HPS5: variants seen among roughly 807,000 people sequenced by gnomAD.
HPS5 encodes HPS5 biogenesis of lysosomal organelles complex 2 subunit 2, also known as BLOC-2 complex member HPS5.
Under a neutral mutation model 128.0 loss-of-function variants are expected in HPS5, and 83 were observed. The ratio of observed to expected loss-of-function variants is 0.65; its 90% CI spans 0.54 to 0.78. HPS5 has a LOEUF of 0.78. Among genes scored for constraint, HPS5 ranks in the 30% least tolerant of loss-of-function variants. The pLI is 0.00. For synonymous variants in HPS5, 475 were observed against 470.2 expected (o/e 1.01, Z -0.13); for missense variants, 1,281 against 1,326.2 (o/e 0.97, Z 0.53).
chr11:18,307,660 C>T (rs1251642666), intron 6 of HPS5, among the ~76,000 whole-genome samples: 1 of 151,424 alleles, frequency 6.6e-6, no homozygotes, highest in Admixed American at 6.6e-5. Flanking sequence ...TTAGTTAATC[C>T]TTAACACTAA....
intron 8 of HPS5, among the ~76,000 whole-genome samples, chr11:18,302,497 A>G (rs1861814081): frequency 1.3e-5 from 2 of 151,938 alleles, no homozygotes; most frequent in South Asian, 4.2e-4. Context: ...CACTGTCACA[A>G]CTCTTACTTC....
At chr11:18,314,214 T>A (rs1863339722) in intron 2 of HPS5, among the ~76,000 whole-genome samples, 1 of 151,858 alleles carries the variant, frequency 6.6e-6, no homozygotes, top group South Asian at 2.1e-4. Context: ...GCACTCCAGC[T>A]TGGGCAACAT....
intron 5 of HPS5, 110 bp from the exon 6 acceptor site, chr11:18,309,189 T>G (rs1862692520): frequency 1.8e-6 from 2 of 1,141,130 alleles, no homozygotes; most frequent in African/African-American, 1.6e-5. Context: ...AAATAAAATT[T>G]TCAAATAAGC....
At chr11:18,287,740 T>C (rs766459776) in intron 17 of HPS5, 50 bp from the exon 18 acceptor site, 4 of 1,600,706 alleles carry the variant, frequency 2.5e-6, no homozygotes, top group South Asian at 1.1e-5. Flanking sequence ...TGAAATTATA[T>C]AACTTGGTTA....
intron 22 of HPS5, 80 bp downstream of exon 22, chr11:18,281,870 T>C (rs890821014): frequency 1.3e-6 from 2 of 1,516,862 alleles, no homozygotes; most frequent in African/African-American, 2.7e-5. Context: ...GACTAAATGA[T>C]CTCCACATCT....
In HPS5 at chr11:18,291,391, A is replaced by G. The variant is rs7110937; in HGVS notation, c.2440+51T>C. 8,568 of 1,190,010 alleles carry G rather than the reference A, an allele frequency of 7.2e-3. 461 individuals carry two copies. In the African/African-American group the frequency reaches 0.11, roughly 16 times the overall value. 73.7% of individuals were successfully genotyped at this position (1,190,010 alleles called of 1,614,324 possible). A position where few individuals can be genotyped will look rare whatever the true frequency, so the allele number is the denominator to read the frequency against. On this transcript the variant is annotated intron_variant, in intron 16 of 22. Transcript: ENST00000349215. ...TTAAACCCCAAAATTCAAAACTGCT[A>G]ATGTTTTTTAATACGAATTTCTATC...
chr11:18,284,817 T>G (rs368322442), intron 20 of HPS5, among the ~76,000 whole-genome samples: 9 of 152,332 alleles, frequency 5.9e-5, no homozygotes, highest in Admixed American at 3.3e-4. Context: ...CTGACTGAAG[T>G]GTGACATGGA....
chr11:18,281,322 G>A (rs2134198404), intron 22 of HPS5, among the ~76,000 whole-genome samples: 1 of 149,462 alleles, frequency 6.7e-6, no homozygotes, highest in Non-Finnish European at 1.5e-5. Flanking sequence ...TCGAACTCCT[G>A]ACCTCAGGTT....
intron 16 of HPS5, among the ~76,000 whole-genome samples, chr11:18,289,647 A>G (rs1312466215): frequency 6.6e-6 from 1 of 152,232 alleles, no homozygotes; most frequent in African/African-American, 2.4e-5. Context: ...CTATAGATCC[A>G]TGTTTCTAGA....
At chr11:18,318,283 C>T (rs557284242) in intron 1 of HPS5, among the ~76,000 whole-genome samples, 1 of 152,332 alleles carries the variant, frequency 6.6e-6, no homozygotes, top group Admixed American at 6.5e-5. Flanking sequence ...AGGAGTCTCT[C>T]ATTAAAACGC....
intron 8 of HPS5, among the ~76,000 whole-genome samples, chr11:18,304,239 CAG>C (rs1229420943): frequency 1.4e-5 from 2 of 139,660 alleles, no homozygotes; most frequent in African/African-American, 5.3e-5. Context: ...TTTTTTGAGA[CAG>C]AGTCTTGCTC....
intron 11 of HPS5, 84 bp downstream of exon 11, chr11:18,297,475 T>C (rs1227167658): frequency 7.7e-7 from 1 of 1,301,108 alleles, no homozygotes; most frequent in South Asian, 1.2e-5. Context: ...GGACAACAAA[T>C]TTGGGGATCC....
rs1464604231 is a variant in HPS5 at position 18,295,984 on chromosome 11, G to A, written c.1634+15C>T. The A allele has an allele frequency of 6.2e-7, 1 of 1,610,522 alleles. No individual in the cohort carries two copies. The highest frequency in any genetic ancestry group is 8.5e-7 in the Non-Finnish European group (1 of 1,176,798). ...GATCAGTAATGGAATTAAATGACAA[G>A]ACTAATTGGTTTACCTTTCTTTGAC... On this transcript the variant is annotated intron_variant, in intron 13 of 22. Coordinates refer to ENST00000349215, the MANE Select transcript of HPS5 (RefSeq NM_181507.2).
rs1361537116 is a variant in HPS5, at chr11:18,281,273, T to C, written c.3329+677A>G. ...TTTTTGCATTTTTTTTTTTTTTTTTTAGTAGAGACAGGGTTTCACCATATT... is the reference window on the plus strand; with the variant it reads ...TTTTTGCATTTTTTTTTTTTTTTTTCAGTAGAGACAGGGTTTCACCATATT... On this transcript the variant is annotated intron_variant, in intron 22 of 22. Transcript: ENST00000349215. Among the ~76,000 whole-genome samples the C allele has an allele frequency of 6.7e-5, 10 of 149,962 alleles. No individual in the cohort carries two copies. The South Asian group carries it at 1.5e-3, about 22-fold the overall frequency.
rs1290585951 is a variant in HPS5, at chr11:18,291,974, C to G, written c.1908G>C (p.Leu636=). ...DPLVLFESES[L]RMVLQEWLSH... ...AAAGCCACTCCTGTAAAACCATTCTCAGAGACTCGGATTCAAATAAAACCA... is the reference window on the plus strand; with the variant it reads ...AAAGCCACTCCTGTAAAACCATTCTGAGAGACTCGGATTCAAATAAAACCA... Residue 636 remains leucine, a synonymous_variant, in exon 16 of 23, where the codon CTG becomes CTC. Coordinates refer to ENST00000349215, the MANE Select transcript of HPS5 (RefSeq NM_181507.2). 7 of 1,613,642 alleles carry G rather than the reference C, an allele frequency of 4.3e-6. No individual in the cohort carries two copies. The highest frequency in any genetic ancestry group is 1.3e-5 in the African/African-American group (1 of 74,996).
Position 18,280,079 on chromosome 11 carries a change from T to C in HPS5, c.3330-137A>G, listed in dbSNP as rs538692509. On this transcript the variant is annotated intron_variant, in intron 22 of 22. Coordinates refer to ENST00000349215, the MANE Select transcript of HPS5 (RefSeq NM_181507.2). ...GCATTAAAAGACACAATGCACAGAG[T>C]GAAAAGGCAACCTACAGAATGGAAG... is the stretch of plus-strand genomic sequence containing the variant. 7.6e-5 allele frequency: 62 copies of C among 817,660 alleles called. 1 individual carries two copies. The South Asian group carries it at 8.6e-4, about 11-fold the overall frequency. The allele number at this position is 817,660 out of a possible 1,614,324, so 50.7% of individuals were successfully genotyped here.
chr11:18,283,233 C>T (rs1008029202), intron 21 of HPS5, among the ~76,000 whole-genome samples: 2 of 151,896 alleles, frequency 1.3e-5, no homozygotes, highest in Non-Finnish European at 2.9e-5. Flanking sequence ...AACTCCCGAC[C>T]TCAGGTGATC....
chr11:18,313,365 G>C (rs1190627876), intron 2 of HPS5, among the ~76,000 whole-genome samples: 1 of 152,232 alleles, frequency 6.6e-6, no homozygotes, highest in African/African-American at 2.4e-5. Flanking sequence ...TCACTGACTA[G>C]CTGTCTCACC....
chr11:18,306,096 G>A, intron 7 of HPS5, 39 bp downstream of exon 7: 2 of 1,338,912 alleles, frequency 1.5e-6, no homozygotes, highest in South Asian at 2.3e-5. Flanking sequence ...CTATATAGAA[G>A]CTCTTCAAAC....
Sources: gnomAD v4.1 joint callset for allele counts (sites outside exome capture counted in the v4.1 genomes callset) on GRCh38, gnomAD v4.1.1 for gene constraint, MANE v1.5 for transcripts, NCBI Gene and HGNC (gene_info 2026-07-23, HGNC 2026-07-21) for gene names.